Variants in TJP3 observed in about 807,000 individuals in gnomAD.
TJP3 encodes tight junction protein ZO-3.
In TJP3, 85 loss-of-function variants were observed where a neutral mutation model predicts 104.2. The ratio of observed to expected loss-of-function variants is 0.82; its 90% confidence interval spans 0.68 to 0.98. The LOEUF (loss-of-function observed/expected upper bound fraction) is 0.98, where lower values mean the gene tolerates loss of function less well. Ranked by LOEUF, TJP3 falls within the 50% of genes least tolerant of loss-of-function variation. TJP3 has a pLI of 0.00. For missense variants in TJP3, 1,367 were observed against 1,322.8 expected (o/e 1.03, Z -0.52); for synonymous variants, 550 against 550.6 (o/e 1.00, Z 0.02).
At chr19:3,715,641 C>T (rs918033378) in intron 1 of TJP3, among the ~76,000 whole-genome samples, 4 of 152,104 alleles carry the variant, frequency 2.6e-5, no homozygotes, top group Non-Finnish European at 4.4e-5. Context: ...GATTTCTCTG[C>T]GTTGCCCATT....
chr19:3,735,929 A>C lies in TJP3; in HGVS notation c.1121A>C (p.Asp374Ala), dbSNP rs752850579. Reference sequence around the variant, plus strand: ...GTGCCCAGCAGTCAGAGCATGGAGGATCGTGGGTATGTACCCCAGAAGAAA... The same window carrying C: ...GTGCCCAGCAGTCAGAGCATGGAGGCTCGTGGGTATGTACCCCAGAAGAAA... Reference protein sequence around the residue: ...YRVPSSQSMEDRGYSPDTRVV... With the variant: ...YRVPSSQSMEARGYSPDTRVV... Residue 374 changes from aspartate to alanine, a missense_variant, in exon 10 of 21, where the codon GAT becomes GCT. By Grantham distance (126) the Asp-to-Ala change is moderately radical (BLOSUM62 -2). Coordinates refer to ENST00000541714, the MANE Select transcript of TJP3 (RefSeq NM_001267560.2). The C allele has an allele frequency of 1.2e-6, 2 of 1,614,092 alleles. No individual in the cohort carries two copies. Among genetic ancestry groups the C allele is most frequent in the South Asian group, 2.2e-5 (2 of 91,092 alleles).
At position 3,746,979 on chromosome 19, in the gene TJP3, G is replaced by T. The variant is rs2036905243; in HGVS notation, c.2322+103G>T. 8.9e-7 allele frequency: 1 copy of T among 1,129,582 alleles called. No homozygotes were observed. Among genetic ancestry groups the T allele is most frequent in the Non-Finnish European group, 1.3e-6 (1 of 778,820 alleles). 70.0% of individuals were successfully genotyped at this position (1,129,582 alleles called of 1,614,324 possible). On this transcript the variant is annotated intron_variant, in intron 18 of 20. Transcript: ENST00000541714. The surrounding 1 kb of genome is among the most constrained non-coding windows in gnomAD (Gnocchi z 4.1). ...TGTCGGGAGTTAGGGCTTGGTCAGG[G>T]ATCAGGACTGTGGCCAGAGTCAAGA...
chr19:3,731,850 G>C, intron 5 of TJP3, 85 bp from the exon 6 acceptor site: 6 of 1,106,106 alleles, frequency 5.4e-6, no homozygotes, highest in Non-Finnish European at 7.8e-6. Context: ...GGGAGGGCCC[G>C]CACCTGGACT....
chr19:3,722,392 G>A (rs1032792591), intron 1 of TJP3, among the ~76,000 whole-genome samples: 1 of 152,170 alleles, frequency 6.6e-6, no homozygotes, highest in Non-Finnish European at 1.5e-5. Flanking sequence ...GGCGCCCGCG[G>A]TGGCACGGTG....
chr19:3,746,944 T>G lies in TJP3; in HGVS notation c.2322+68T>G, dbSNP rs2036904737. 4 of 1,465,354 alleles carry G rather than the reference T, an allele frequency of 2.7e-6. No homozygotes were observed. Among genetic ancestry groups the G allele is most frequent in the Non-Finnish European group, 2.8e-6 (3 of 1,072,766 alleles). The allele number at this position is 1,465,354 out of a possible 1,614,324, so 90.8% of individuals were successfully genotyped here. ...GACGCTGTGCAGGCCCAGCTGGGGT[T>G]TGGGGCCTCTGTCGGGAGTTAGGGC... On this transcript the variant is annotated intron_variant, in intron 18 of 20. Coordinates refer to ENST00000541714, the MANE Select transcript of TJP3 (RefSeq NM_001267560.2). The surrounding 1 kb of genome is among the most constrained non-coding windows in gnomAD (Gnocchi z 4.1).
rs536764397 is a variant in TJP3 at position 3,719,451 on chromosome 19, TG to T, written c.-9-8972del. ...TTCATCTATAAAATATGTGTGTGTGTGTGGCTGGGAGTAGTGGCTCATGCCC... is the reference window on the plus strand; with the variant it reads ...TTCATCTATAAAATATGTGTGTGTGTTGGCTGGGAGTAGTGGCTCATGCCC... On this transcript the variant is annotated intron_variant, in intron 1 of 20. Transcript: ENST00000541714. Among the ~76,000 whole-genome samples, 399 of 151,994 alleles carry T rather than the reference TG, an allele frequency of 2.6e-3. 3 individuals are homozygous for T. The highest frequency in any genetic ancestry group is 9.0e-3 in the African/African-American group (374 of 41,472).
rs902343155 is a variant in TJP3 at position 3,708,523 on chromosome 19, C to A, written c.-48C>A. The stretch of plus-strand genomic sequence containing the variant: ...CCAGGCAGGCACCCGGGCCCTGGCA[C>A]CTGCTGCCTGCCCAGAGGCCACCCA... On this transcript the variant is annotated 5_prime_UTR_variant, in exon 1 of 21. Transcript: ENST00000541714. 8 of 152,258 alleles carry A rather than the reference C, an allele frequency of 5.3e-5. No homozygotes were observed. The highest frequency in any genetic ancestry group is 8.8e-5 in the Non-Finnish European group (6 of 68,088). The allele number at this position is 152,258 out of a possible 1,614,324, so 9.4% of individuals were successfully genotyped here. A position where few individuals can be genotyped will look rare whatever the true frequency, so the allele number is the denominator to read the frequency against.
intron 15 of TJP3, among the ~76,000 whole-genome samples, chr19:3,745,133 CTTTTTTTTTTTTTTTTTTTT>C (rs549831017): frequency 1.4e-5 from 1 of 70,046 alleles, no homozygotes; most frequent in Non-Finnish European, 2.5e-5. Context: ...AATTTTATGT[CTTTTTTTTTTTTTTTTTTTT>C]TTTTTTTTTT....
intron 1 of TJP3, among the ~76,000 whole-genome samples, chr19:3,717,010 G>C (rs1457480600): frequency 7.1e-6 from 1 of 140,402 alleles, no homozygotes; most frequent in East Asian, 2.0e-4. Context: ...TTGTTGCCCA[G>C]GCTGGAGTGC....
intron 14 of TJP3, among the ~76,000 whole-genome samples, chr19:3,743,445 A>G (rs2036848447): frequency 6.6e-6 from 1 of 152,180 alleles, no homozygotes; most frequent in African/African-American, 2.4e-5. Context: ...TCACATAGTA[A>G]CTATTTTAGG....
At chr19:3,732,560 A>G (rs2036685208) in intron 6 of TJP3, among the ~76,000 whole-genome samples, 1 of 150,002 alleles carries the variant, frequency 6.7e-6, no homozygotes, top group Non-Finnish European at 1.5e-5. Flanking sequence ...CCCAGGCTGG[A>G]GTGCAGTGGC....
chr19:3,747,369 C>G (rs1404720275), intron 18 of TJP3, among the ~76,000 whole-genome samples: 1 of 152,012 alleles, frequency 6.6e-6, no homozygotes, highest in Non-Finnish European at 1.5e-5. Flanking sequence ...CCTGGAGGAG[C>G]TGTTTTGAGA....
chr19:3,734,002 C>T (rs1234465661), intron 7 of TJP3, 90 bp downstream of exon 7: 2 of 1,508,684 alleles, frequency 1.3e-6, no homozygotes, highest in Non-Finnish European at 1.8e-6. Flanking sequence ...AATCAATGAG[C>T]CTGGTCCCTA....
At chr19:3,739,170 G>A (rs919358356) in intron 13 of TJP3, 36 bp downstream of exon 13, 2 of 1,483,984 alleles carry the variant, frequency 1.3e-6, no homozygotes, top group East Asian at 2.3e-5. Flanking sequence ...GGGCACTTCT[G>A]CTTCAGCCTC....
rs539935527 is a variant in TJP3, at chr19:3,729,712, G to A, written c.159-316G>A. Among the ~76,000 whole-genome samples the A allele has an allele frequency of 1.1e-3, 165 of 150,666 alleles. 1 individual carries two copies. Among genetic ancestry groups the A allele is most frequent in the Admixed American group, 2.5e-3 (38 of 15,078 alleles). On this transcript the variant is annotated intron_variant, in intron 3 of 20. Transcript: ENST00000541714. ...CAGAAGGATCGTTTGAAACGAGGAG[G>A]TGGAGGTTGCAGTGAGTTGAGATCA...
At chr19:3,737,701 C>T (rs1190893964) in intron 11 of TJP3, among the ~76,000 whole-genome samples, 2 of 152,154 alleles carry the variant, frequency 1.3e-5, no homozygotes, top group East Asian at 1.9e-4. Context: ...TCACAGCTCC[C>T]CACTTTCCAT....
At chr19:3,724,829 G>A (rs1393920996) in intron 1 of TJP3, among the ~76,000 whole-genome samples, 8 of 151,946 alleles carry the variant, frequency 5.3e-5, no homozygotes, top group East Asian at 1.9e-4. Context: ...AGAATCCACC[G>A]TGCCCGGCCC....
intron 3 of TJP3, among the ~76,000 whole-genome samples, chr19:3,729,448 T>C (rs934603215): frequency 1.3e-5 from 2 of 152,010 alleles, no homozygotes; most frequent in Non-Finnish European, 2.9e-5. Context: ...TGGGGATTTG[T>C]GGTGTGGGGA....
chr19:3,734,709 C>G (rs1251433176), intron 8 of TJP3, among the ~76,000 whole-genome samples: 1 of 152,136 alleles, frequency 6.6e-6, no homozygotes, highest in Non-Finnish European at 1.5e-5. Context: ...AATCTCAGCA[C>G]TTTGGGAGGC....
Sources: gnomAD v4.1 joint callset for allele counts (sites outside exome capture counted in the v4.1 genomes callset) on GRCh38, gnomAD v4.1.1 for gene constraint, Gnocchi (gnomAD v3.1) non-coding constraint, MANE v1.5 for transcripts, NCBI Gene and HGNC (gene_info 2026-07-23, HGNC 2026-07-21) for gene names.